CHKA: variants seen among roughly 807,000 people sequenced by gnomAD.
CHKA encodes the protein choline kinase alpha.
Under a neutral mutation model 60.1 loss-of-function variants are expected in CHKA, and 34 were observed. That is an observed-to-expected ratio of 0.57 (90% CI 0.43 to 0.75). CHKA has a LOEUF of 0.75. Ranked by LOEUF, CHKA falls within the 30% of genes least tolerant of loss-of-function variation. The pLI, the probability that CHKA is intolerant of heterozygous loss-of-function variation, is 0.00. For synonymous variants in CHKA, 217 were observed against 223.1 expected (o/e 0.97, Z 0.24); for missense variants, 563 against 561.3 (o/e 1.00, Z -0.03).
At chr11:68,068,373 T>A (rs1856509315) in intron 7 of CHKA, among the ~76,000 whole-genome samples, 1 of 152,008 alleles carries the variant, frequency 6.6e-6, no homozygotes, top group Non-Finnish European at 1.5e-5. Context: ...AAGTTCTTCA[T>A]CCCAGTTCCC....
chr11:68,119,790 T>C (rs1468207361), intron 1 of CHKA, among the ~76,000 whole-genome samples: 2 of 152,124 alleles, frequency 1.3e-5, no homozygotes, highest in Admixed American at 1.3e-4. Flanking sequence ...TTTAAAGGTC[T>C]CAATAGAAGG....
intron 1 of CHKA, among the ~76,000 whole-genome samples, chr11:68,109,279 C>A (rs1858042804): frequency 6.6e-6 from 1 of 151,830 alleles, no homozygotes; most frequent in South Asian, 2.1e-4. Flanking sequence ...TTAGTAGAGA[C>A]GGAGTTTCAC....
intron 2 of CHKA, among the ~76,000 whole-genome samples, chr11:68,095,877 A>G (rs531795258): frequency 6.6e-6 from 1 of 150,726 alleles, no homozygotes; most frequent in East Asian, 2.0e-4. Flanking sequence ...CCCTGTCTCT[A>G]CTAAAAATAC....
At chr11:68,074,854 G>A (rs374706931) in intron 3 of CHKA, 24 bp from the exon 4 acceptor site, 2 of 1,608,868 alleles carry the variant, frequency 1.2e-6, no homozygotes, top group Non-Finnish European at 1.7e-6. Context: ...CAACAAATCA[G>A]GTGTTTACTG....
intron 4 of CHKA, among the ~76,000 whole-genome samples, chr11:68,073,875 A>G (rs1343125015): frequency 6.6e-6 from 1 of 152,186 alleles, no homozygotes; most frequent in Non-Finnish European, 1.5e-5. Context: ...TTATGATTCT[A>G]GTCCTCAAGG....
intron 1 of CHKA, among the ~76,000 whole-genome samples, chr11:68,109,594 G>A (rs952652120): frequency 6.6e-6 from 1 of 152,154 alleles, no homozygotes; most frequent in African/African-American, 2.4e-5. Context: ...AAAGTTCACA[G>A]TCTAGGTGCA....
chr11:68,098,331 C>T (rs1430392483), intron 1 of CHKA, among the ~76,000 whole-genome samples: 1 of 151,434 alleles, frequency 6.6e-6, no homozygotes, highest in Non-Finnish European at 1.5e-5. Flanking sequence ...ATAGGAGCTG[C>T]GTGAGCTGCA....
chr11:68,080,598 A>G (rs1856955114), intron 3 of CHKA, among the ~76,000 whole-genome samples: 1 of 152,166 alleles, frequency 6.6e-6, no homozygotes, highest in Admixed American at 6.5e-5. Flanking sequence ...CACCTGCCTC[A>G]GCCTCCCAAA....
intron 1 of CHKA, among the ~76,000 whole-genome samples, chr11:68,103,975 A>T (rs1857820042): frequency 6.6e-6 from 1 of 152,110 alleles, no homozygotes; most frequent in South Asian, 2.1e-4. Flanking sequence ...CAGCAATCCC[A>T]TTACTGGTAA....
intron 2 of CHKA, among the ~76,000 whole-genome samples, chr11:68,090,800 G>A (rs1857326883): frequency 6.6e-6 from 1 of 152,196 alleles, no homozygotes; most frequent in Non-Finnish European, 1.5e-5. Flanking sequence ...GATCTTTGAT[G>A]TGTATTATAA....
chr11:68,096,987 T>TCCC, intron 2 of CHKA, 32 bp downstream of exon 2: 1 of 1,461,130 alleles, frequency 6.8e-7, no homozygotes, highest in Non-Finnish European at 9.6e-7. Flanking sequence ...GTTAACAGGA[T>TCCC]CCCCCCCTCC....
intron 1 of CHKA, among the ~76,000 whole-genome samples, chr11:68,115,154 T>A (rs1452258214): frequency 1.3e-5 from 2 of 152,218 alleles, no homozygotes; most frequent in African/African-American, 4.8e-5. Flanking sequence ...TGCCCAACTG[T>A]AAGCTAATGT....
intron 2 of CHKA, among the ~76,000 whole-genome samples, chr11:68,090,389 G>A (rs937406939): frequency 1.3e-5 from 2 of 152,098 alleles, no homozygotes; most frequent in Non-Finnish European, 2.9e-5. Context: ...GGAAAACAGT[G>A]GCAATTCATA....
At chr11:68,093,162 C>T (rs1282104943) in intron 2 of CHKA, among the ~76,000 whole-genome samples, 2 of 152,098 alleles carry the variant, frequency 1.3e-5, no homozygotes, top group East Asian at 3.9e-4. Context: ...CACATGCCAC[C>T]ACGCCCAGCT....
In CHKA at chr11:68,062,033, AC is replaced by A; in HGVS notation, c.1233del (p.Arg411SerfsTer113). On this transcript the variant is annotated frameshift_variant and splice_region_variant, in exon 11 of 12. Coordinates refer to ENST00000265689, the MANE Select transcript of CHKA (RefSeq NM_001277.3). LOFTEE classifies it high-confidence loss of function. ...IKEEMLLEVN[R>X]FALASHFLWG... ...CAGAGGAAATGAGATGCAAGGGCAA[AC>A]CTGGAATGATAAAAGCAAGAAACAT... The A allele has an allele frequency of 6.3e-7, 1 of 1,583,378 alleles. No homozygotes were observed. The highest frequency in any genetic ancestry group is 8.6e-7 in the Non-Finnish European group (1 of 1,161,926).
intron 2 of CHKA, among the ~76,000 whole-genome samples, chr11:68,089,134 A>G (rs1242264496): frequency 6.6e-6 from 1 of 152,234 alleles, no homozygotes; most frequent in African/African-American, 2.4e-5. Flanking sequence ...TTTAGGCAAC[A>G]CAAGCCAGCA....
chr11:68,097,270 A>G (rs1857545020), intron 1 of CHKA, 140 bp from the exon 2 acceptor site: 3 of 549,034 alleles, frequency 5.5e-6, no homozygotes, highest in Admixed American at 7.2e-5. Flanking sequence ...ATTTAACTCC[A>G]TGAGTCACAT....
At chr11:68,107,399 G>A (rs1208754794) in intron 1 of CHKA, among the ~76,000 whole-genome samples, 2 of 151,728 alleles carry the variant, frequency 1.3e-5, no homozygotes, top group African/African-American at 2.4e-5. Context: ...TCTCTAACTT[G>A]ATTCCCAACT....
chr11:68,058,992 G>C (rs1856123551), intron 11 of CHKA, among the ~76,000 whole-genome samples: 1 of 152,176 alleles, frequency 6.6e-6, no homozygotes, highest in African/African-American at 2.4e-5. Context: ...CACCTCCTGG[G>C]TTCAAGCGAT....
Sources: allele counts gnomAD v4.1 joint callset (sites outside exome capture counted in the v4.1 genomes callset), GRCh38; gene constraint gnomAD v4.1.1; transcripts MANE v1.5; gene names NCBI Gene and HGNC (gene_info 2026-07-23, HGNC 2026-07-21).